The following NRCAM variants were observed in gnomAD, a reference collection of about 807,000 sequenced individuals.
NRCAM encodes the protein neuronal cell adhesion molecule.
In NRCAM, 83 loss-of-function variants were observed where a neutral mutation model predicts 156.5. That is an observed-to-expected ratio of 0.53 (90% CI 0.44 to 0.64). The LOEUF (loss-of-function observed/expected upper bound fraction) is 0.64, where lower values mean the gene tolerates loss of function less well. NRCAM is among the 30% of genes least tolerant of loss of function. The pLI, the probability that NRCAM is intolerant of heterozygous loss-of-function variation, is 0.00. For synonymous variants in NRCAM, 538 were observed against 563.9 expected (o/e 0.95, Z 0.65); for missense variants, 1,417 against 1,597.3 (o/e 0.89, Z 1.92).
rs1450366019 is a variant in NRCAM, at chr7:108,226,195, G to T, written c.721+13C>A. On this transcript the variant is annotated intron_variant, in intron 9 of 32. Transcript: ENST00000379028. ...TGTCATTGAAGGGGAGATTTGGGAA[G>T]CTGAACTCTTACCTGAAATCACCTT... 1.9e-6 allele frequency: 3 copies of T among 1,564,208 alleles called. No individual in the cohort carries two copies. Among genetic ancestry groups the T allele is most frequent in the Non-Finnish European group, 1.7e-6 (2 of 1,156,488 alleles).
At position 108,282,902 on chromosome 7, in the gene NRCAM, G is replaced by T. The variant is rs1247854610; in HGVS notation, c.-107+29763C>A. Among the ~76,000 whole-genome samples, 3 of 152,222 alleles carry T rather than the reference G, an allele frequency of 2.0e-5. No homozygotes were observed. In the East Asian group the frequency reaches 5.8e-4, roughly 29 times the overall value. The stretch of plus-strand genomic sequence containing the variant: ...GCCTGGGGAGATTTGAAGACTCCCA[G>T]TGCCCAGGCCACAGGCCCTATCAAT... On this transcript the variant is annotated intron_variant, in intron 3 of 32. Coordinates refer to ENST00000379028, the MANE Select transcript of NRCAM (RefSeq NM_001037132.4).
At chr7:108,382,064 A>G (rs1203884820) in intron 2 of NRCAM, among the ~76,000 whole-genome samples, 1 of 152,078 alleles carries the variant, frequency 6.6e-6, no homozygotes, top group Non-Finnish European at 1.5e-5. Context: ...CTTAAATGGG[A>G]GTGTGAGGCT....
At chr7:108,364,706 C>A (rs1411732762) in intron 2 of NRCAM, among the ~76,000 whole-genome samples, 4 of 150,288 alleles carry the variant, frequency 2.7e-5, no homozygotes, top group Non-Finnish European at 4.4e-5. Flanking sequence ...CATGGATGAA[C>A]CTTAAAAACA....
At chr7:108,240,260 T>C in intron 3 of NRCAM, 90 bp from the exon 4 acceptor site, 1 of 463,738 alleles carries the variant, frequency 2.2e-6, no homozygotes, top group South Asian at 2.8e-5. Flanking sequence ...GAACTAGCCG[T>C]GTATTATACA....
At chr7:108,254,984 A>G (rs2096556387) in intron 3 of NRCAM, among the ~76,000 whole-genome samples, 1 of 152,258 alleles carries the variant, frequency 6.6e-6, no homozygotes, top group Admixed American at 6.5e-5. Context: ...ATTTATAATA[A>G]TGAAAAATTG....
At chr7:108,313,101 G>A (rs866871092) in intron 2 of NRCAM, 6 of 151,824 alleles carry the variant, frequency 4.0e-5, no homozygotes, top group African/African-American at 1.5e-4. Context: ...TTTTTATTTG[G>A]TAGCATAGAA....
intron 2 of NRCAM, among the ~76,000 whole-genome samples, chr7:108,368,746 T>C (rs1221913506): frequency 2.6e-5 from 4 of 152,014 alleles, no homozygotes; most frequent in African/African-American, 9.7e-5. Context: ...AAGCGTGAAG[T>C]AGAGCAAATA....
chr7:108,214,835 T>G (rs1412749907), intron 11 of NRCAM, among the ~76,000 whole-genome samples: 1 of 152,228 alleles, frequency 6.6e-6, no homozygotes, highest in African/African-American at 2.4e-5. Flanking sequence ...CTTATTTATT[T>G]CTGCCTTAAT....
rs777939794 is a variant in NRCAM at position 108,234,591 on chromosome 7, C to A, written c.222G>T (p.Pro74=). The change falls in exon 6 of 33, where the codon CCG becomes CCT. Residue 74 remains proline, a synonymous_variant. Transcript: ENST00000379028. The stretch of plus-strand genomic sequence containing the variant: ...GCAGAATGCACACTCACCTTGGGGG[C>A]GGTTTCCCTTTGGCTTCACACTGGA... ...IVIQCEAKGK[P]PPSFSWTRNG... 3.1e-6 allele frequency: 5 copies of A among 1,593,500 alleles called. No homozygotes were observed. In the South Asian group the frequency reaches 3.3e-5, roughly 11 times the overall value.
chr7:108,376,928 G>A (rs1340354231), intron 2 of NRCAM, among the ~76,000 whole-genome samples: 1 of 152,218 alleles, frequency 6.6e-6, no homozygotes, highest in Non-Finnish European at 1.5e-5. Flanking sequence ...ACTTTGGGAA[G>A]CTGAGGCAGG....
At chr7:108,229,875 G>A (rs748768181) in intron 8 of NRCAM, among the ~76,000 whole-genome samples, 29 of 152,272 alleles carry the variant, frequency 1.9e-4, no homozygotes, top group Non-Finnish European at 3.2e-4. Context: ...TGCCCTTGAG[G>A]ACAGAAACAG....
At chr7:108,397,287 A>G (rs1398455002) in intron 2 of NRCAM, among the ~76,000 whole-genome samples, 2 of 152,226 alleles carry the variant, frequency 1.3e-5, no homozygotes, top group Non-Finnish European at 2.9e-5. Context: ...AACTACAGAG[A>G]GTAAAAATCG....
intron 5 of NRCAM, among the ~76,000 whole-genome samples, chr7:108,235,515 T>A (rs769671780): frequency 1.4e-4 from 22 of 152,162 alleles, no homozygotes; most frequent in Non-Finnish European, 2.8e-4. Flanking sequence ...ACCTGTTTTT[T>A]CTTACTCAGT....
At chr7:108,160,624 C>A (rs1357469931) in intron 30 of NRCAM, 132 bp from the exon 31 acceptor site, 12 of 615,222 alleles carry the variant, frequency 2.0e-5, no homozygotes, top group Non-Finnish European at 3.2e-5. Context: ...AAATTAGGAT[C>A]TGTCAATTAT....
intron 13 of NRCAM, among the ~76,000 whole-genome samples, chr7:108,206,184 G>A (rs1045800866): frequency 6.6e-6 from 1 of 152,152 alleles, no homozygotes; most frequent in Non-Finnish European, 1.5e-5. Context: ...ATATTCATGG[G>A]GCAGGCTACA....
At chr7:108,214,623 G>GT (rs2086835209) in intron 11 of NRCAM, among the ~76,000 whole-genome samples, 1 of 152,108 alleles carries the variant, frequency 6.6e-6, no homozygotes, top group South Asian at 2.1e-4. Context: ...TCTGATCTTA[G>GT]TTATTTCTTG....
intron 3 of NRCAM, among the ~76,000 whole-genome samples, chr7:108,265,131 G>A (rs910119256): frequency 6.6e-6 from 1 of 152,194 alleles, no homozygotes; most frequent in African/African-American, 2.4e-5. Context: ...GGCTTTGGGA[G>A]ACAGAATCAC....
At chr7:108,338,550 G>C (rs1196629591) in intron 2 of NRCAM, among the ~76,000 whole-genome samples, 1 of 136,448 alleles carries the variant, frequency 7.3e-6, no homozygotes, top group Non-Finnish European at 1.7e-5. Context: ...AGAGAGGAAA[G>C]TGAGAGAGAG....
rs2099690183 is a variant in NRCAM at position 108,379,197 on chromosome 7, A to G, written c.-174+20239T>C. On this transcript the variant is annotated intron_variant, in intron 2 of 32. Coordinates refer to ENST00000379028, the MANE Select transcript of NRCAM (RefSeq NM_001037132.4). The stretch of plus-strand genomic sequence containing the variant: ...AGATCAAGGTGCCCAAGAACTGCAG[A>G]TAATATAATTATCAGATATTAATGT... Among the ~76,000 whole-genome samples the G allele has an allele frequency of 5.3e-5, 8 of 152,332 alleles. No individual in the cohort carries two copies. The South Asian group carries it at 1.7e-3, about 32-fold the overall frequency.
Sources: allele counts gnomAD v4.1 joint callset (sites outside exome capture counted in the v4.1 genomes callset), GRCh38; gene constraint gnomAD v4.1.1; transcripts MANE v1.5; gene names NCBI Gene and HGNC (gene_info 2026-07-23, HGNC 2026-07-21).